NEK6: variants seen among roughly 807,000 people sequenced by gnomAD.
NEK6 encodes the protein serine/threonine-protein kinase Nek6.
In NEK6, 27 loss-of-function variants were observed where a neutral mutation model predicts 43.5. The ratio of observed to expected loss-of-function variants is 0.62; its 90% confidence interval spans 0.46 to 0.86. NEK6 has a LOEUF of 0.86. Ranked by LOEUF, NEK6 falls within the 40% of genes least tolerant of loss-of-function variation. The probability of loss-of-function intolerance (pLI) is 0.00; values close to 1 mark genes in which losing one functional copy is unlikely to be tolerated. For synonymous variants in NEK6, 167 were observed against 164.1 expected, an observed-to-expected ratio of 1.02 and a Z score of -0.14; for missense variants, 318 against 414.4, an observed-to-expected ratio of 0.77 and a Z score of 2.02.
rs1000220895 is a variant in NEK6 at position 124,305,012 on chromosome 9, A to C, written c.90+2958A>C. On this transcript the variant is annotated intron_variant, in intron 2 of 9. Transcript: ENST00000320246. ...ACTAAGAACCACGTGAATTTCCAAG[A>C]AGGGGAAAGGTATTCTTGCCTGAGA... 5.9e-5 allele frequency among the ~76,000 whole-genome samples: 9 copies of C among 152,234 alleles called. 1 individual carries two copies. In the South Asian group the frequency reaches 1.4e-3, roughly 24 times the overall value.
intron 1 of NEK6, among the ~76,000 whole-genome samples, chr9:124,259,951 G>A (rs776166378): frequency 1.3e-5 from 2 of 152,188 alleles, no homozygotes; most frequent in African/African-American, 2.4e-5. Context: ...TTGAACAAGG[G>A]CAGAGGAGGG....
rs796578902 is a variant in NEK6, at chr9:124,313,639, G to C, written c.232-284G>C. Among the ~76,000 whole-genome samples the C allele has an allele frequency of 5.9e-5, 9 of 152,190 alleles. No individual in the cohort carries two copies. The South Asian group carries it at 1.9e-3, about 32-fold the overall frequency. On this transcript the variant is annotated intron_variant, in intron 3 of 9. Transcript: ENST00000320246. ...CACCTCAGCCTCGCTGGGATTACAG[G>C]TGTGAGCCACTGTGCCTGGCCCGCC...
chr9:124,293,469 G>C (rs1023284010), intron 1 of NEK6, among the ~76,000 whole-genome samples: 1 of 152,248 alleles, frequency 6.6e-6, no homozygotes, highest in Non-Finnish European at 1.5e-5. Flanking sequence ...TGAGAGACAA[G>C]ATGTTTACAG....
At chr9:124,339,963 G>A (rs1211492025) in intron 8 of NEK6, among the ~76,000 whole-genome samples, 1 of 152,170 alleles carries the variant, frequency 6.6e-6, no homozygotes, top group Non-Finnish European at 1.5e-5. Flanking sequence ...TGCCCCCGTC[G>A]CCCTGGTAAC....
chr9:124,322,211 A>G (rs1156344092), intron 5 of NEK6, among the ~76,000 whole-genome samples: 1 of 152,078 alleles, frequency 6.6e-6, no homozygotes, highest in East Asian at 1.9e-4. Flanking sequence ...GGGGAACTTC[A>G]TTTCCATGTT....
At chr9:124,321,158 C>T (rs750725615) in intron 4 of NEK6, among the ~76,000 whole-genome samples, 5 of 152,178 alleles carry the variant, frequency 3.3e-5, no homozygotes, top group East Asian at 1.9e-4. Context: ...TAGCTCTGTG[C>T]GGCTGCCCTG....
At chr9:124,327,961 A>G (rs1470239893) in intron 7 of NEK6, among the ~76,000 whole-genome samples, 2 of 152,144 alleles carry the variant, frequency 1.3e-5, no homozygotes, top group African/African-American at 4.8e-5. Flanking sequence ...GTTCCAGGAA[A>G]CAGTGGGTGA....
At chr9:124,259,793 G>T (rs1241301911) in intron 1 of NEK6, among the ~76,000 whole-genome samples, 1 of 152,212 alleles carries the variant, frequency 6.6e-6, no homozygotes, top group Non-Finnish European at 1.5e-5. Context: ...TGTCCCGTCT[G>T]CTTCGGAAAT....
chr9:124,314,025 G>A lies in NEK6; in HGVS notation c.294+40G>A, dbSNP rs112650335. The A allele has an allele frequency of 5.4e-5, 87 of 1,597,128 alleles. No homozygotes were observed. In the African/African-American group the frequency reaches 9.8e-4, roughly 18 times the overall value. On this transcript the variant is annotated intron_variant, in intron 4 of 9. Coordinates refer to ENST00000320246, the MANE Select transcript of NEK6 (RefSeq NM_014397.6). ...CCGAGCGGGAGCTTTGCCTCCTCGG[G>A]GAGGTTCTGGGGCCGCGGCTGGGCC...
chr9:124,292,351 TC>T, intron 1 of NEK6: 1 of 1,488,818 alleles, frequency 6.7e-7, no homozygotes, highest in South Asian at 1.3e-5. Flanking sequence ...CATTGAGTAA[TC>T]CCTGGGCTTG....
At chr9:124,306,143 G>A (rs1236042586) in intron 2 of NEK6, among the ~76,000 whole-genome samples, 5 of 152,244 alleles carry the variant, frequency 3.3e-5, no homozygotes, top group African/African-American at 1.2e-4. Flanking sequence ...CATGGGGAGA[G>A]AGGGTTCCAG....
At chr9:124,337,012 G>A (rs929705637) in intron 7 of NEK6, among the ~76,000 whole-genome samples, 1 of 134,296 alleles carries the variant, frequency 7.4e-6, no homozygotes, top group African/African-American at 2.7e-5. Flanking sequence ...AAAAAAAAAA[G>A]AATTCCGGGC....
intron 1 of NEK6, among the ~76,000 whole-genome samples, chr9:124,294,272 G>A (rs766243301): frequency 6.6e-6 from 1 of 152,220 alleles, no homozygotes; most frequent in Non-Finnish European, 1.5e-5. Context: ...AGCCTGAGTA[G>A]TGTGTCAGTT....
intron 4 of NEK6, among the ~76,000 whole-genome samples, chr9:124,316,237 G>A (rs1202185040): frequency 6.6e-6 from 1 of 152,224 alleles, no homozygotes; most frequent in Non-Finnish European, 1.5e-5. Context: ...GCGGGGGCTG[G>A]TGGGGTCGGC....
At chr9:124,286,905 G>T (rs1238170384) in intron 1 of NEK6, among the ~76,000 whole-genome samples, 1 of 152,202 alleles carries the variant, frequency 6.6e-6, no homozygotes, top group African/African-American at 2.4e-5. Flanking sequence ...CTGGCAGGGT[G>T]AGATGAGGTA....
At position 124,326,204 on chromosome 9, in the gene NEK6, C is replaced by CA; in HGVS notation, c.406-126_406-125insA. The CA allele has an allele frequency of 3.9e-5, 3 of 77,490 alleles. No homozygotes were observed. Among genetic ancestry groups the CA allele is most frequent in the African/African-American group, 5.6e-5 (1 of 17,792 alleles). The allele number at this position is 77,490 out of a possible 1,614,324, so 4.8% of individuals were successfully genotyped here. A position where few individuals can be genotyped will look rare whatever the true frequency, so the allele number is the denominator to read the frequency against. ...TTATTGTTTGCTCAGTGGCTCAATC[C>CA]CCCCCCCCCGCCCCTGCCAGGCACC... is the stretch of plus-strand genomic sequence containing the variant. On this transcript the variant is annotated intron_variant, in intron 5 of 9. Transcript: ENST00000320246. The surrounding 1 kb of genome is among the most constrained non-coding windows in gnomAD (Gnocchi z 4.5).
At chr9:124,346,691 C>T (rs1464591075) in intron 8 of NEK6, among the ~76,000 whole-genome samples, 5 of 152,146 alleles carry the variant, frequency 3.3e-5, no homozygotes, top group African/African-American at 9.7e-5. Context: ...TGGGCTGCTG[C>T]GCCACCGCCT....
At chr9:124,290,770 C>A (rs1483056011) in intron 1 of NEK6, among the ~76,000 whole-genome samples, 1 of 152,232 alleles carries the variant, frequency 6.6e-6, no homozygotes, top group Non-Finnish European at 1.5e-5. Context: ...CCAAACCCTG[C>A]TGGTCCTTCT....
intron 1 of NEK6, among the ~76,000 whole-genome samples, chr9:124,298,986 G>C (rs1473913267): frequency 6.6e-6 from 1 of 152,366 alleles, no homozygotes; most frequent in South Asian, 2.1e-4. Flanking sequence ...TGCAGACCAT[G>C]GCATCTGGCT....
Sources: gnomAD v4.1 joint callset for allele counts (sites outside exome capture counted in the v4.1 genomes callset) on GRCh38, gnomAD v4.1.1 for gene constraint, Gnocchi (gnomAD v3.1) non-coding constraint, MANE v1.5 for transcripts, NCBI Gene and HGNC (gene_info 2026-07-23, HGNC 2026-07-21) for gene names.